MAGI2: variants seen among roughly 807,000 people sequenced by gnomAD.
MAGI2 encodes membrane-associated guanylate kinase, WW and PDZ domain-containing protein 2.
In MAGI2, 35 loss-of-function variants were observed where a neutral mutation model predicts 133.3. That is an observed-to-expected ratio of 0.26 (90% CI 0.20 to 0.35). The LOEUF (loss-of-function observed/expected upper bound fraction) is 0.35, where lower values mean the gene tolerates loss of function less well. Ranked by LOEUF, MAGI2 falls within the 10% of genes least tolerant of loss-of-function variation. The pLI, the probability that MAGI2 is intolerant of heterozygous loss-of-function variation, is 1.00. For missense variants in MAGI2, 1,636 were observed against 1,863.4 expected (o/e 0.88, Z 2.25); for synonymous variants, 729 against 710.6 (o/e 1.03, Z -0.41).
rs192258625 is a variant in MAGI2 at position 78,102,820 on chromosome 7, G to C, written c.3567+22874C>G. On this transcript the variant is annotated intron_variant, in intron 20 of 21. Coordinates refer to ENST00000354212, the MANE Select transcript of MAGI2 (RefSeq NM_012301.4). ...GAGAAAGGCAATAGATAATACATAA[G>C]AGCAGAACTGCTTTGTCTGAAACAG... 3.0e-3 allele frequency among the ~76,000 whole-genome samples: 457 copies of C among 152,302 alleles called. 1 individual carries two copies. Among genetic ancestry groups the C allele is most frequent in the African/African-American group, 0.01 (428 of 41,576 alleles).
intron 3 of MAGI2, among the ~76,000 whole-genome samples, chr7:78,584,414 C>T (rs1415900435): frequency 1.2e-4 from 12 of 104,296 alleles, no homozygotes; most frequent in East Asian, 2.5e-4. Flanking sequence ...AGTGAGACTC[C>T]GTCTCAGAAA....
At chr7:78,969,795 A>G (rs150249458) in intron 2 of MAGI2, among the ~76,000 whole-genome samples, 247 of 152,220 alleles carry the variant, frequency 1.6e-3, no homozygotes, top group African/African-American at 5.8e-3. Flanking sequence ...AAATATCACT[A>G]CATATTACAA....
At chr7:78,638,110 C>G (rs1809875081) in intron 2 of MAGI2, among the ~76,000 whole-genome samples, 1 of 151,710 alleles carries the variant, frequency 6.6e-6, no homozygotes, top group Middle Eastern at 3.4e-3. Context: ...GAAAGCTGAA[C>G]TCATCACCTG....
intron 1 of MAGI2, among the ~76,000 whole-genome samples, chr7:79,156,882 G>T (rs370745411): frequency 2.0e-4 from 30 of 152,210 alleles, no homozygotes; most frequent in African/African-American, 7.0e-4. Context: ...GAACCCCAAA[G>T]AAGTTGCCCA....
intron 1 of MAGI2, among the ~76,000 whole-genome samples, chr7:79,204,859 CAG>C (rs1828908949): frequency 6.6e-6 from 1 of 151,600 alleles, no homozygotes; most frequent in African/African-American, 2.4e-5. Flanking sequence ...TCATCAATAA[CAG>C]AATTGACGAA....
chr7:78,391,422 T>A (rs1795889982), intron 6 of MAGI2, among the ~76,000 whole-genome samples: 1 of 152,208 alleles, frequency 6.6e-6, no homozygotes, highest in Admixed American at 6.5e-5. Flanking sequence ...ATGGATATAT[T>A]TGGAAGCCTA....
At chr7:79,452,786 G>A (rs564762256) in intron 1 of MAGI2, 2 of 514,668 alleles carry the variant, frequency 3.9e-6, no homozygotes, top group East Asian at 6.5e-5. Context: ...TTCCAAAGGG[G>A]AGGGTCTAAC....
chr7:79,177,515 T>G (rs2129549962), intron 1 of MAGI2, among the ~76,000 whole-genome samples: 1 of 152,160 alleles, frequency 6.6e-6, no homozygotes, highest in South Asian at 2.1e-4. Flanking sequence ...TTGTTTCTAG[T>G]TTCTTGGGAG....
At chr7:79,069,925 T>C (rs1350056873) in intron 1 of MAGI2, among the ~76,000 whole-genome samples, 2 of 152,206 alleles carry the variant, frequency 1.3e-5, no homozygotes, top group South Asian at 4.1e-4. Context: ...GAATGTTAAA[T>C]ATTGGCCCCC....
intron 10 of MAGI2, among the ~76,000 whole-genome samples, chr7:78,209,192 AC>A (rs1336602645): frequency 3.3e-5 from 1 of 29,856 alleles, no homozygotes; most frequent in Non-Finnish European, 7.6e-5. Flanking sequence ...ACTGCACTCC[AC>A]CCTGGGCGAC....
intron 1 of MAGI2, among the ~76,000 whole-genome samples, chr7:79,240,583 C>A (rs1200778151): frequency 1.3e-5 from 2 of 152,050 alleles, no homozygotes; most frequent in Non-Finnish European, 2.9e-5. Context: ...CTAATTTGTT[C>A]TTTCTCTGCT....
intron 1 of MAGI2, among the ~76,000 whole-genome samples, chr7:79,223,502 T>G (rs891644654): frequency 6.6e-6 from 1 of 152,016 alleles, no homozygotes; most frequent in Non-Finnish European, 1.5e-5. Flanking sequence ...AAAATTCCTA[T>G]GAGGAAGATA....
At chr7:78,389,673 C>T (rs1282072607) in intron 6 of MAGI2, among the ~76,000 whole-genome samples, 1 of 151,690 alleles carries the variant, frequency 6.6e-6, no homozygotes, top group Non-Finnish European at 1.5e-5. Context: ...GTTAGGTATT[C>T]TTATGGTGAG....
At chr7:79,166,344 C>T (rs746852482) in intron 1 of MAGI2, among the ~76,000 whole-genome samples, 48 of 152,126 alleles carry the variant, frequency 3.2e-4, no homozygotes, top group South Asian at 1.9e-3. Context: ...TCAGGGAACA[C>T]GACAGCCCAT....
intron 20 of MAGI2, among the ~76,000 whole-genome samples, chr7:78,099,370 A>G (rs71573373): frequency 0.025 from 3,829 of 152,294 alleles, 57 homozygotes; most frequent in Non-Finnish European, 0.036. Context: ...CTTAAATTAT[A>G]CATTTTACAA....
At chr7:78,782,297 G>A (rs1826458413) in intron 2 of MAGI2, among the ~76,000 whole-genome samples, 2 of 152,224 alleles carry the variant, frequency 1.3e-5, no homozygotes, top group South Asian at 2.1e-4. Flanking sequence ...GGGCAAGGGC[G>A]ATTTGAGGCG....
chr7:78,286,651 T>A (rs758181238), intron 9 of MAGI2, among the ~76,000 whole-genome samples: 6 of 151,894 alleles, frequency 4.0e-5, no homozygotes, highest in Non-Finnish European at 8.8e-5. Context: ...TGAAGGGCTG[T>A]GGGGGCATGT....
chr7:79,320,669 T>A (rs528763869), intron 1 of MAGI2, among the ~76,000 whole-genome samples: 13 of 152,292 alleles, frequency 8.5e-5, no homozygotes, highest in African/African-American at 3.1e-4. Context: ...AGTAGCATTT[T>A]TGCATAGATA....
chr7:78,715,762 G>GT (rs1819637838), intron 2 of MAGI2, among the ~76,000 whole-genome samples: 2 of 99,548 alleles, frequency 2.0e-5, no homozygotes, highest in South Asian at 6.8e-4. Flanking sequence ...TAATAAGATA[G>GT]TTTAAAAATT....
Sources: allele counts gnomAD v4.1 joint callset (sites outside exome capture counted in the v4.1 genomes callset), GRCh38; gene constraint gnomAD v4.1.1; transcripts MANE v1.5; gene names NCBI Gene and HGNC (gene_info 2026-07-23, HGNC 2026-07-21).